The following GLB1L3 variants were observed in gnomAD, a reference collection of about 807,000 sequenced individuals.
GLB1L3 encodes beta-galactosidase-1-like protein 3.
Under a neutral mutation model 89.5 loss-of-function variants are expected in GLB1L3, and 89 were observed. The ratio of observed to expected loss-of-function variants is 0.99; its 90% confidence interval spans 0.84 to 1.19. GLB1L3 has a LOEUF of 1.19. Among genes scored for constraint, GLB1L3 ranks in the 50% most tolerant of loss-of-function variants. The probability of loss-of-function intolerance (pLI) is 0.00; values close to 1 mark genes in which losing one functional copy is unlikely to be tolerated. For missense variants in GLB1L3, 812 were observed against 813.3 expected (o/e 1.00, Z 0.02); for synonymous variants, 314 against 312.3 (o/e 1.01, Z -0.06).
At chr11:134,308,455 C>A (rs1239457394) in intron 10 of GLB1L3, among the ~76,000 whole-genome samples, 1 of 33,294 alleles carries the variant, frequency 3.0e-5, no homozygotes, top group Admixed American at 2.7e-4. Flanking sequence ...ATCACCACCA[C>A]CACCACCACC....
At chr11:134,286,792 A>G (rs949161483) in intron 6 of GLB1L3, among the ~76,000 whole-genome samples, 44 of 148,362 alleles carry the variant, frequency 3.0e-4, no homozygotes, top group Admixed American at 2.1e-3. Flanking sequence ...ATAAATAAAT[A>G]CATAAATAAG....
At chr11:134,285,458 A>T (rs1044531950) in intron 6 of GLB1L3, among the ~76,000 whole-genome samples, 3 of 152,172 alleles carry the variant, frequency 2.0e-5, no homozygotes, top group Non-Finnish European at 4.4e-5. Context: ...TAGTTCAAGG[A>T]CACGTCTCTT....
At position 134,284,760 on chromosome 11, in the gene GLB1L3, C is replaced by T. The variant is rs942569049; in HGVS notation, c.636+915C>T. 2.6e-5 allele frequency among the ~76,000 whole-genome samples: 4 copies of T among 151,802 alleles called. No homozygotes were observed. In the East Asian group the frequency reaches 5.8e-4, roughly 22 times the overall value. Reference sequence around the variant, plus strand: ...CAAAACGAAACAAAAAAACAAAACTCGGGAATTCATATCCTATTCATGGAC... The same window carrying T: ...CAAAACGAAACAAAAAAACAAAACTTGGGAATTCATATCCTATTCATGGAC... On this transcript the variant is annotated intron_variant, in intron 6 of 19. Coordinates refer to ENST00000431683, the MANE Select transcript of GLB1L3 (RefSeq NM_001080407.3).
At position 134,301,377 on chromosome 11, in the gene GLB1L3, TAGGA is replaced by T. The variant is rs1254464082; in HGVS notation, c.877-5745_877-5742del. Among the ~76,000 whole-genome samples the T allele has an allele frequency of 2.0e-5, 3 of 152,214 alleles. No homozygotes were observed. The East Asian group carries it at 5.8e-4, about 29-fold the overall frequency. ...GTAAATGTAGTTGTTACAGTTTTTC[TAGGA>T]ATATGTCCATTTCACTCAAACTAAA... is the stretch of plus-strand genomic sequence containing the variant. On this transcript the variant is annotated intron_variant, in intron 9 of 19. Coordinates refer to ENST00000431683, the MANE Select transcript of GLB1L3 (RefSeq NM_001080407.3).
intron 9 of GLB1L3, among the ~76,000 whole-genome samples, chr11:134,297,283 T>G (rs1313347671): frequency 1.3e-5 from 2 of 152,230 alleles, no homozygotes; most frequent in East Asian, 1.9e-4. Flanking sequence ...AAAATGGATT[T>G]CTTGTAGATA....
intron 14 of GLB1L3, 142 bp downstream of exon 14, chr11:134,312,631 A>G (rs1303007843): frequency 2.6e-6 from 3 of 1,153,564 alleles, no homozygotes; most frequent in Non-Finnish European, 3.7e-6. Flanking sequence ...GTCAGGCCAA[A>G]TAGACTTGCT....
At position 134,307,119 on chromosome 11, in the gene GLB1L3, T is replaced by A. The variant is rs1193498304; in HGVS notation, c.877-5T>A. ...GACTTAGTATTTGCTTTGGTTTGTT[T>A]TTAGAGAGATAAGCCCCTTCTGATT... On this transcript the variant is annotated splice_polypyrimidine_tract_variant and splice_region_variant and intron_variant, in intron 9 of 19. Coordinates refer to ENST00000431683, the MANE Select transcript of GLB1L3 (RefSeq NM_001080407.3). The A allele has an allele frequency of 6.2e-7, 1 of 1,611,788 alleles. No individual in the cohort carries two copies. The highest frequency in any genetic ancestry group is 1.7e-5 in the Admixed American group (1 of 59,798).
chr11:134,292,851 A>T lies in GLB1L3; in HGVS notation c.812-294A>T. On this transcript the variant is annotated intron_variant, in intron 8 of 19. Transcript: ENST00000431683. ...TGGAACACGTGCTGAGCTTGGGGCC[A>T]GGAAGCCTGTGTCCCGTTTCCAGTC... The T allele has an allele frequency of 6.0e-6, 3 of 503,116 alleles. No homozygotes were observed. The East Asian group carries it at 1.1e-4, about 19-fold the overall frequency. The allele number at this position is 503,116 out of a possible 1,614,324, so 31.2% of individuals were successfully genotyped here.
intron 9 of GLB1L3, among the ~76,000 whole-genome samples, chr11:134,306,680 G>A (rs1942220424): frequency 6.6e-6 from 1 of 152,226 alleles, no homozygotes; most frequent in Non-Finnish European, 1.5e-5. Flanking sequence ...TAGAGGAGGT[G>A]TCACCTTTTA....
downstream of GLB1L3, among the ~76,000 whole-genome samples, chr11:134,323,396 TACAC>T (rs61583599): frequency 0.28 from 41,012 of 148,226 alleles, 5,847 homozygotes; most frequent in African/African-American, 0.34. Context: ...CACACACACG[TACAC>T]ACACACACAC....
downstream of GLB1L3, among the ~76,000 whole-genome samples, chr11:134,322,916 T>C (rs1943184214): frequency 6.6e-6 from 1 of 152,234 alleles, no homozygotes; most frequent in South Asian, 2.1e-4. Context: ...TTTTCCATTC[T>C]CTTGGTTATA....
chr11:134,302,311 C>T (rs890821059), intron 9 of GLB1L3, among the ~76,000 whole-genome samples: 43 of 150,182 alleles, frequency 2.9e-4, no homozygotes, highest in Non-Finnish European at 4.8e-4. Context: ...ATGTTTTAAA[C>T]GAGGAGAAAA....
chr11:134,308,555 AT>A, intron 10 of GLB1L3, among the ~76,000 whole-genome samples: 1 of 15,930 alleles, frequency 6.3e-5, no homozygotes, highest in Admixed American at 7.2e-4. Context: ...CACCATCACC[AT>A]CACCACCACC....
At chr11:134,286,590 C>G (rs1474630626) in intron 6 of GLB1L3, among the ~76,000 whole-genome samples, 1 of 151,830 alleles carries the variant, frequency 6.6e-6, no homozygotes, top group Non-Finnish European at 1.5e-5. Context: ...TCTTGGCTAA[C>G]ACGGTGAAAC....
At chr11:134,294,822 T>TC (rs1241522928) in intron 9 of GLB1L3, among the ~76,000 whole-genome samples, 1 of 152,210 alleles carries the variant, frequency 6.6e-6, no homozygotes, top group Non-Finnish European at 1.5e-5. Flanking sequence ...ACTCAGCGCT[T>TC]CATTTCCTTC....
chr11:134,312,708 A>G (rs1299277453), intron 14 of GLB1L3, 108 bp from the exon 15 acceptor site: 3 of 999,070 alleles, frequency 3.0e-6, no homozygotes, highest in Non-Finnish European at 4.6e-6. Flanking sequence ...AGTGAGCACC[A>G]CAGCTGGTCC....
At chr11:134,287,169 A>G (rs1941061516) in intron 6 of GLB1L3, 1 of 152,266 alleles carries the variant, frequency 6.6e-6, no homozygotes, top group Non-Finnish European at 1.5e-5. Flanking sequence ...TCGAAAAAAA[A>G]CAAAAACCCA....
intron 18 of GLB1L3, 91 bp downstream of exon 18, chr11:134,314,532 C>A (rs1942897517): frequency 2.6e-6 from 2 of 781,584 alleles, no homozygotes; most frequent in African/African-American, 3.5e-5. Flanking sequence ...TGGAGGAATA[C>A]TTCCCTTTCT....
intron 9 of GLB1L3, among the ~76,000 whole-genome samples, chr11:134,299,687 A>C (rs1329512752): frequency 6.6e-6 from 1 of 151,968 alleles, no homozygotes; most frequent in Non-Finnish European, 1.5e-5. Flanking sequence ...AGTATGTGTT[A>C]CTTTTTCTCC....
Sources: gnomAD v4.1 joint callset for allele counts (sites outside exome capture counted in the v4.1 genomes callset) on GRCh38, gnomAD v4.1.1 for gene constraint, MANE v1.5 for transcripts, NCBI Gene and HGNC (gene_info 2026-07-23, HGNC 2026-07-21) for gene names.